The following CELF4 variants were observed in gnomAD, a reference collection of about 807,000 sequenced individuals.
CELF4 encodes CUGBP Elav-like family member 4, also known as CUG-BP- and ETR-3-like factor 4.
A neutral mutation model predicts 59.9 loss-of-function variants in CELF4; 18 were observed. That is an observed-to-expected ratio of 0.30 (90% confidence interval 0.21 to 0.45). The LOEUF is 0.45. Ranked by LOEUF, CELF4 falls within the 20% of genes least tolerant of loss-of-function variation. CELF4 has a pLI of 1.00. For synonymous variants in CELF4, 261 were observed against 267.1 expected (o/e 0.98, Z 0.22); for missense variants, 456 against 689.0 (o/e 0.66, Z 3.79).
chr18:37,399,314 G>A (rs2099290694), intron 2 of CELF4, among the ~76,000 whole-genome samples: 2 of 152,218 alleles, frequency 1.3e-5, no homozygotes, highest in South Asian at 4.2e-4. Context: ...CTGATAAAAA[G>A]AATGAGTTTG....
At chr18:37,491,704 C>T (rs1475797382) in intron 1 of CELF4, among the ~76,000 whole-genome samples, 2 of 152,208 alleles carry the variant, frequency 1.3e-5, no homozygotes, top group Non-Finnish European at 2.9e-5. Flanking sequence ...AGGCAGGCAG[C>T]GTGGGCAGCG....
At chr18:37,552,776 G>T (rs1187801654) in intron 1 of CELF4, among the ~76,000 whole-genome samples, 1 of 152,236 alleles carries the variant, frequency 6.6e-6, no homozygotes, top group Non-Finnish European at 1.5e-5. Flanking sequence ...GGTTCAGCCT[G>T]CATGTTTGGC....
chr18:37,351,013 T>G (rs1177525973), intron 2 of CELF4, among the ~76,000 whole-genome samples: 1 of 152,328 alleles, frequency 6.6e-6, no homozygotes, highest in East Asian at 1.9e-4. Context: ...GTCACATCCC[T>G]ACCCACCTCC....
At chr18:37,368,578 A>C (rs1410770245) in intron 2 of CELF4, among the ~76,000 whole-genome samples, 1 of 152,040 alleles carries the variant, frequency 6.6e-6, no homozygotes, top group African/African-American at 2.4e-5. Flanking sequence ...TCTGATTTCA[A>C]ATCCAATTTT....
intron 3 of CELF4, among the ~76,000 whole-genome samples, chr18:37,289,949 G>A (rs1053496158): frequency 1.3e-5 from 2 of 152,230 alleles, no homozygotes; most frequent in African/African-American, 4.8e-5. Context: ...ACCTCCACAT[G>A]ACTGATTTTG....
intron 1 of CELF4, among the ~76,000 whole-genome samples, chr18:37,504,590 C>T (rs1030481774): frequency 6.6e-6 from 1 of 152,142 alleles, no homozygotes; most frequent in African/African-American, 2.4e-5. Context: ...ACTTACCTCC[C>T]TGGCTTGCTG....
chr18:37,261,419 G>A (rs544547502), intron 10 of CELF4, among the ~76,000 whole-genome samples: 5 of 152,298 alleles, frequency 3.3e-5, no homozygotes, highest in South Asian at 4.1e-4. Context: ...GACAGGGCCC[G>A]CAGGCTCAAT....
chr18:37,406,695 A>T (rs756724871), intron 2 of CELF4, among the ~76,000 whole-genome samples: 1 of 152,194 alleles, frequency 6.6e-6, no homozygotes, highest in Non-Finnish European at 1.5e-5. Context: ...GGGTTGAAGA[A>T]AAGGAAAACC....
At chr18:37,547,426 A>T (rs904819308) in intron 1 of CELF4, among the ~76,000 whole-genome samples, 3 of 152,086 alleles carry the variant, frequency 2.0e-5, no homozygotes, top group Non-Finnish European at 4.4e-5. Flanking sequence ...CACCCCCTGG[A>T]GGCTGCCTCT....
At chr18:37,250,480 G>A (rs1342550083) in intron 12 of CELF4, among the ~76,000 whole-genome samples, 6 of 152,040 alleles carry the variant, frequency 3.9e-5, no homozygotes, top group African/African-American at 1.4e-4. Flanking sequence ...GCACCACCAT[G>A]GGGCAGCTGC....
intron 2 of CELF4, among the ~76,000 whole-genome samples, chr18:37,397,908 T>C (rs577768001): frequency 6.6e-6 from 1 of 152,162 alleles, no homozygotes; most frequent in Non-Finnish European, 1.5e-5. Flanking sequence ...GATCCTTGGA[T>C]GTGCTTTGTT....
intron 1 of CELF4, 78 bp downstream of exon 1, chr18:37,565,278 G>T: frequency 1.4e-6 from 2 of 1,442,612 alleles, no homozygotes; most frequent in South Asian, 1.5e-5. Context: ...TCCGCCGCTC[G>T]TCAGTCGCCG....
intron 2 of CELF4, among the ~76,000 whole-genome samples, chr18:37,361,590 T>TC (rs1348625338): frequency 6.6e-6 from 1 of 152,162 alleles, no homozygotes; most frequent in African/African-American, 2.4e-5. Flanking sequence ...GCACCCCTAC[T>TC]CAGCTCCAGG....
chr18:37,281,009 C>T (rs2094070228), intron 3 of CELF4, among the ~76,000 whole-genome samples: 1 of 152,214 alleles, frequency 6.6e-6, no homozygotes, highest in African/African-American at 2.4e-5. Flanking sequence ...TGGGTCCCTC[C>T]ATGAGGGAGA....
At chr18:37,271,219 C>T (rs185768044) in intron 7 of CELF4, among the ~76,000 whole-genome samples, 125 of 151,782 alleles carry the variant, frequency 8.2e-4, no homozygotes, top group Non-Finnish European at 1.5e-3. Flanking sequence ...CTCTCAGTGC[C>T]CTTGACTGTA....
intron 2 of CELF4, among the ~76,000 whole-genome samples, chr18:37,434,933 T>C (rs2099685149): frequency 6.6e-6 from 1 of 152,176 alleles, no homozygotes. Context: ...TCTTCCCTAT[T>C]GCAGGGGGAA....
chr18:37,520,902 C>T (rs2099956582), intron 1 of CELF4, among the ~76,000 whole-genome samples: 1 of 152,122 alleles, frequency 6.6e-6, no homozygotes, highest in African/African-American at 2.4e-5. Context: ...ACAGTGGGGA[C>T]TTTGGGGTTT....
intron 2 of CELF4, among the ~76,000 whole-genome samples, chr18:37,421,168 G>C (rs111932685): frequency 2.0e-5 from 3 of 152,182 alleles, no homozygotes; most frequent in African/African-American, 7.2e-5. Flanking sequence ...TTCCCTATCC[G>C]GGTCATGGGG....
At chr18:37,427,079 G>A (rs1402895037) in intron 2 of CELF4, among the ~76,000 whole-genome samples, 1 of 151,808 alleles carries the variant, frequency 6.6e-6, no homozygotes, top group Non-Finnish European at 1.5e-5. Flanking sequence ...AGCCCACCAT[G>A]GCAGCAGCAT....
Sources: gnomAD v4.1 joint callset for allele counts (sites outside exome capture counted in the v4.1 genomes callset) on GRCh38, gnomAD v4.1.1 for gene constraint, MANE v1.5 for transcripts, NCBI Gene and HGNC (gene_info 2026-07-23, HGNC 2026-07-21) for gene names.